Variants in PARVB observed in about 807,000 individuals in gnomAD.
PARVB encodes parvin beta, also known as beta-parvin.
PARVB carries 46 observed loss-of-function variants against 47.0 expected under a neutral mutation model. The ratio of observed to expected loss-of-function variants is 0.98; its 90% confidence interval spans 0.77 to 1.25. The LOEUF is 1.25. Ranked by LOEUF, PARVB falls within the 50% of genes most tolerant of loss-of-function variation. PARVB has a pLI of 0.00. For missense variants in PARVB, 473 were observed against 471.6 expected, an observed-to-expected ratio of 1.00 and a Z score of -0.03; for synonymous variants, 196 against 196.3, an observed-to-expected ratio of 1.00 and a Z score of 0.01.
chr22:44,095,278 G>A (rs987403560), intron 2 of PARVB, among the ~76,000 whole-genome samples: 2 of 152,140 alleles, frequency 1.3e-5, no homozygotes, highest in African/African-American at 4.8e-5. Flanking sequence ...GAAGGCCAAA[G>A]TGGACGGATC....
intron 1 of PARVB, among the ~76,000 whole-genome samples, chr22:44,084,138 G>A (rs2051971036): frequency 6.6e-6 from 1 of 152,212 alleles, no homozygotes; most frequent in Non-Finnish European, 1.5e-5. Context: ...TCTGGGTCAA[G>A]GCCAGTGGGA....
chr22:44,145,049 T>C (rs1249411729), intron 8 of PARVB: 1 of 154,178 alleles, frequency 6.5e-6, no homozygotes, highest in Non-Finnish European at 1.4e-5. Flanking sequence ...GAGTCCCTCC[T>C]TGTTTATCTC....
Position 44,163,847 on chromosome 22 carries a change from T to A in PARVB, c.946-11T>A. 1 of 1,602,442 alleles carries A rather than the reference T, an allele frequency of 6.2e-7. No homozygotes were observed. The highest frequency in any genetic ancestry group is 2.3e-5 in the East Asian group (1 of 44,208). On this transcript the variant is annotated splice_polypyrimidine_tract_variant and intron_variant, in intron 11 of 12. Transcript: ENST00000338758. ...GGACCCTAACGCTGACCCACCCCCC[T>A]TCCTTGGCAGGTCCACAATGTGTCC...
At chr22:44,084,825 C>T (rs889033974) in intron 1 of PARVB, among the ~76,000 whole-genome samples, 1 of 152,350 alleles carries the variant, frequency 6.6e-6, no homozygotes, top group South Asian at 2.1e-4. Flanking sequence ...AGTGTGTGTC[C>T]TTCCCTGTAG....
intron 1 of PARVB, among the ~76,000 whole-genome samples, chr22:44,063,708 G>A (rs5764499): frequency 6.6e-6 from 1 of 152,038 alleles, no homozygotes; most frequent in Admixed American, 6.6e-5. Context: ...CTCACTCCTC[G>A]TGGCCTGCTC....
intron 3 of PARVB, among the ~76,000 whole-genome samples, chr22:44,118,384 C>G (rs538143153): frequency 6.6e-6 from 1 of 152,302 alleles, no homozygotes; most frequent in South Asian, 2.1e-4. Context: ...GATCGAATCA[C>G]ACACTTTTAA....
Position 44,065,856 on chromosome 22 carries a change from T to TGG in PARVB, c.113-28071_113-28070insGG, listed in dbSNP as rs2051510540. Among the ~76,000 whole-genome samples, 9 of 136,326 alleles carry TGG rather than the reference T, an allele frequency of 6.6e-5. No individual in the cohort carries two copies. The South Asian group carries it at 2.1e-3, about 31-fold the overall frequency. The allele number at this position is 136,326 out of a possible 152,430, so 89.4% of individuals were successfully genotyped here. On this transcript the variant is annotated intron_variant, in intron 1 of 12. Coordinates refer to ENST00000338758, the MANE Select transcript of PARVB (RefSeq NM_013327.5). The stretch of plus-strand genomic sequence containing the variant: ...TAGTATTCCATGGTGTGTGTGTGTG[T>TGG]GCATGTGTGTGTGTGTGTGTGTGTA...
chr22:43,999,275 A>T, exon 1 of PARVB: 1 of 1,290,664 alleles, frequency 7.7e-7, no homozygotes, highest in Non-Finnish European at 1.1e-6. Context: ...AACTCATTTT[A>T]ATTTCTGAAT....
intron 7 of PARVB, among the ~76,000 whole-genome samples, chr22:44,136,929 C>A (rs1326369201): frequency 2.0e-5 from 3 of 152,192 alleles, no homozygotes; most frequent in African/African-American, 7.2e-5. Context: ...CACTACTAAG[C>A]CATCTGTTAT....
At chr22:44,004,270 C>T (rs1037534748) in intron 2 of PARVB, among the ~76,000 whole-genome samples, 4 of 152,198 alleles carry the variant, frequency 2.6e-5, no homozygotes, top group Non-Finnish European at 5.9e-5. Context: ...CTCCAGGTCG[C>T]GCGCGAAGTC....
intron 3 of PARVB, chr22:44,114,718 C>G (rs1365517397): frequency 1.7e-5 from 2 of 114,574 alleles, no homozygotes; most frequent in East Asian, 3.3e-4. Context: ...TACGTTGTTA[C>G]TAAGTAAGGC....
intron 11 of PARVB, among the ~76,000 whole-genome samples, chr22:44,160,904 C>A (rs1033695253): frequency 1.4e-4 from 22 of 152,178 alleles, no homozygotes; most frequent in Non-Finnish European, 2.6e-4. Context: ...TGCATCTCAT[C>A]CCCAGCCCCT....
At chr22:44,141,091 G>C (rs1255701069) in intron 8 of PARVB, 1 of 155,872 alleles carries the variant, frequency 6.4e-6, no homozygotes, top group African/African-American at 2.4e-5. Flanking sequence ...GCTGATATCT[G>C]TCTTTTGGGG....
chr22:44,129,073 C>T (rs1217456803), intron 4 of PARVB, among the ~76,000 whole-genome samples: 1 of 151,892 alleles, frequency 6.6e-6, no homozygotes, highest in African/African-American at 2.4e-5. Context: ...AGTGAAACTC[C>T]ATCTCAAAAA....
chr22:44,127,881 C>T (rs1314419163), intron 4 of PARVB, among the ~76,000 whole-genome samples: 2 of 151,910 alleles, frequency 1.3e-5, no homozygotes, highest in East Asian at 3.9e-4. Flanking sequence ...GACCCCTAGG[C>T]TTGGATGATC....
intron 1 of PARVB, among the ~76,000 whole-genome samples, chr22:44,093,399 A>G (rs2052219387): frequency 2.6e-5 from 4 of 152,194 alleles, no homozygotes; most frequent in Admixed American, 2.0e-4. Flanking sequence ...TGTTCCAGCC[A>G]TCCTGACCCG....
chr22:44,078,545 G>C (rs752741669), intron 1 of PARVB, among the ~76,000 whole-genome samples: 8 of 152,070 alleles, frequency 5.3e-5, no homozygotes, highest in Non-Finnish European at 1.2e-4. Flanking sequence ...CAATCACATC[G>C]GGCCCCCTGA....
chr22:44,137,064 A>T (rs2053454776), intron 7 of PARVB, among the ~76,000 whole-genome samples: 1 of 152,252 alleles, frequency 6.6e-6, no homozygotes, highest in Non-Finnish European at 1.5e-5. Context: ...ACCTGCTAAG[A>T]ATCTTTAGAA....
At chr22:44,069,821 G>A (rs1479605963) in intron 1 of PARVB, among the ~76,000 whole-genome samples, 1 of 152,178 alleles carries the variant, frequency 6.6e-6, no homozygotes, top group Non-Finnish European at 1.5e-5. Flanking sequence ...GAGCCACCGC[G>A]CCCGGCCATG....
Sources: gnomAD v4.1 joint callset for allele counts (sites outside exome capture counted in the v4.1 genomes callset) on GRCh38, gnomAD v4.1.1 for gene constraint, MANE v1.5 for transcripts, NCBI Gene and HGNC (gene_info 2026-07-23, HGNC 2026-07-21) for gene names.